Variants in EPS8L2 observed in about 807,000 individuals in gnomAD.
EPS8L2 encodes the protein EPS8 signaling adaptor L2.
Under a neutral mutation model 99.4 loss-of-function variants are expected in EPS8L2, and 81 were observed. That is an observed-to-expected ratio of 0.82 (90% confidence interval 0.68 to 0.98). The LOEUF (loss-of-function observed/expected upper bound fraction) is 0.98. EPS8L2 is among the 50% of genes least tolerant of loss of function. The pLI, the probability that EPS8L2 is intolerant of heterozygous loss-of-function variation, is 0.00. For synonymous variants in EPS8L2, 509 were observed against 407.3 expected, an observed-to-expected ratio of 1.25 and a Z score of -3.01; for missense variants, 1,155 against 968.8, an observed-to-expected ratio of 1.19 and a Z score of -2.55.
At chr11:720,978 G>GGGGAGGGGAGGAGC (rs1862148452) in intron 7 of EPS8L2, 69 bp downstream of exon 7, 4 of 1,102,000 alleles carry the variant, frequency 3.6e-6, no homozygotes, top group South Asian at 1.4e-5. Context: ...GAGGGGAGGA[G>GGGGAGGGGAGGAGC]CCGGCAGGGG....
At chr11:717,898 A>G (rs2133517515) in intron 4 of EPS8L2, among the ~76,000 whole-genome samples, 1 of 151,956 alleles carries the variant, frequency 6.6e-6, no homozygotes, top group East Asian at 1.9e-4. Flanking sequence ...AGTCCCAGCT[A>G]CTCGGGAGGC....
intron 4 of EPS8L2, among the ~76,000 whole-genome samples, chr11:712,839 G>C (rs374311149): frequency 6.6e-6 from 1 of 152,202 alleles, no homozygotes; most frequent in Middle Eastern, 3.2e-3. Context: ...TGGTGACTTC[G>C]GCCAGCTCAG....
chr11:722,121 A>AGCGCC lies in EPS8L2; in HGVS notation c.1019_1023dup (p.Glu342ProfsTer14). The AGCGCC allele has an allele frequency of 1.2e-6, 2 of 1,612,906 alleles. No individual in the cohort carries two copies. The highest frequency in any genetic ancestry group is 1.7e-6 in the Non-Finnish European group (2 of 1,179,878). Reference sequence around the variant, plus strand: ...GCTGCAGAAGCACATCCAGAACCCCAGCGCCGCGGAGCTCGTGCACTTCCT... The same window carrying AGCGCC: ...GCTGCAGAAGCACATCCAGAACCCCAGCGCCGCGCCGCGGAGCTCGTGCACTTCCT... On this transcript the variant is annotated frameshift_variant, in exon 12 of 21. Transcript: ENST00000318562. LOFTEE classifies it high-confidence loss of function.
At chr11:712,056 C>A (rs1489437088) in intron 4 of EPS8L2, among the ~76,000 whole-genome samples, 1 of 150,308 alleles carries the variant, frequency 6.7e-6, no homozygotes, top group African/African-American at 2.5e-5. Flanking sequence ...GAGGCCGAGG[C>A]GGGTGGATCA....
chr11:710,620 T>C (rs1247169810), intron 4 of EPS8L2, 134 bp downstream of exon 4: 8 of 897,218 alleles, frequency 8.9e-6, no homozygotes, highest in Non-Finnish European at 1.4e-5. Flanking sequence ...GCCCTGCTAC[T>C]GGGGAGGCTG....
chr11:718,556 T>C (rs1313626447), intron 4 of EPS8L2, among the ~76,000 whole-genome samples: 3 of 151,378 alleles, frequency 2.0e-5, no homozygotes, highest in Non-Finnish European at 4.4e-5. Flanking sequence ...ACGAACATGG[T>C]TCACTGCAAC....
intron 4 of EPS8L2, among the ~76,000 whole-genome samples, chr11:719,793 CAGG>C (rs1036109739): frequency 1.1e-4 from 16 of 152,254 alleles, no homozygotes; most frequent in Admixed American, 1.0e-3. Context: ...GAGCCTGCAC[CAGG>C]AGGTGGGCGG....
In EPS8L2 at chr11:724,752, A is replaced by C; in HGVS notation, c.1483A>C (p.Lys495Gln). 6.2e-7 allele frequency: 1 copy of C among 1,613,542 alleles called. No individual in the cohort carries two copies. Among genetic ancestry groups the C allele is most frequent in the Non-Finnish European group, 8.5e-7 (1 of 1,179,938 alleles). ...CTACCAGCCAACACCAGCCATGGCC[A>C]AGTACGTCAAGATCCTGTATGACTT... Reference protein sequence around the residue: ...RGYQPTPAMAKYVKILYDFTA... With the variant: ...RGYQPTPAMAQYVKILYDFTA... Residue 495 changes from lysine to glutamine, a missense_variant, in exon 16 of 21, where the codon AAG (lysine) becomes CAG (glutamine). Coordinates refer to ENST00000318562, the MANE Select transcript of EPS8L2 (RefSeq NM_022772.4). The surrounding 1 kb of genome is among the most constrained non-coding windows in gnomAD (Gnocchi z 5.5).
chr11:718,480 A>T (rs1862074461), intron 4 of EPS8L2, among the ~76,000 whole-genome samples: 3 of 149,026 alleles, frequency 2.0e-5, no homozygotes, highest in East Asian at 1.9e-4. Flanking sequence ...ATGCTTTTTT[A>T]ATTTTTTTTT....
At chr11:714,964 C>T (rs561573767) in intron 4 of EPS8L2, among the ~76,000 whole-genome samples, 33 of 152,158 alleles carry the variant, frequency 2.2e-4, no homozygotes, top group African/African-American at 5.5e-4. Context: ...GTTTGTGGGC[C>T]GGGCGCGGTG....
chr11:709,768 G>T, intron 3 of EPS8L2, 160 bp downstream of exon 3: 1 of 743,422 alleles, frequency 1.3e-6, no homozygotes, highest in South Asian at 1.7e-5. Context: ...CCTTCCGAAA[G>T]CTCCTGGCCA....
intron 4 of EPS8L2, among the ~76,000 whole-genome samples, chr11:718,745 T>C (rs1463069513): frequency 1.3e-5 from 2 of 151,512 alleles, no homozygotes; most frequent in African/African-American, 4.9e-5. Context: ...CTTGATTCAC[T>C]GCAAGCTCCG....
At position 724,876 on chromosome 11, in the gene EPS8L2, C is replaced by A; in HGVS notation, c.1560+47C>A. 3 of 1,422,622 alleles carry A rather than the reference C, an allele frequency of 2.1e-6. No homozygotes were observed. The highest frequency in any genetic ancestry group is 1.2e-5 in the South Asian group (1 of 86,626). 88.1% of individuals were successfully genotyped at this position (1,422,622 alleles called of 1,614,324 possible). On this transcript the variant is annotated intron_variant, in intron 16 of 20. Transcript: ENST00000318562. The surrounding 1 kb of genome is among the most constrained non-coding windows in gnomAD (Gnocchi z 5.5). ...TCCAAGAGGGGGAAACAGGGCAGGG[C>A]TTCAAGGGAGGGGCTACCAGGGGAG...
At position 722,421 on chromosome 11, in the gene EPS8L2, C is replaced by T; in HGVS notation, c.1080C>T (p.Gly360=). 1.2e-6 allele frequency: 2 copies of T among 1,613,208 alleles called. No homozygotes were observed. Among genetic ancestry groups the T allele is most frequent in the Non-Finnish European group, 1.7e-6 (2 of 1,179,920 alleles). The part of the protein sequence containing the change: ...PLDLIVNTCS[G]PDIARSVSCP... ...CCCAGATCGTCAACACCTGCAGTGG[C>T]CCAGACATCGCACGCTCCGTCTCCT... The change falls in exon 13 of 21, where the codon GGC becomes GGT. Residue 360 remains glycine, a synonymous_variant. Coordinates refer to ENST00000318562, the MANE Select transcript of EPS8L2 (RefSeq NM_022772.4).
chr11:707,830 G>A (rs926723913), intron 1 of EPS8L2, among the ~76,000 whole-genome samples: 8 of 152,144 alleles, frequency 5.3e-5, no homozygotes, highest in Non-Finnish European at 1.0e-4. Flanking sequence ...GCAAGGGTGC[G>A]TTGGTGTCTC....
chr11:721,649 C>T lies in EPS8L2; in HGVS notation c.853C>T (p.Gln285Ter), dbSNP rs202056992. 79 of 1,584,608 alleles carry T rather than the reference C, an allele frequency of 5.0e-5. No homozygotes were observed. The highest frequency in any genetic ancestry group is 4.8e-5 in the Non-Finnish European group (56 of 1,168,516). The change falls in exon 10 of 21, where the codon CAG (glutamine) becomes TAG (stop). Residue 285 changes from glutamine to a stop codon, truncating the protein, a stop_gained. Transcript: ENST00000318562. LOFTEE classifies it high-confidence loss of function. ...AGCCGAGGCTTTCAAGCAGCTGAAC[C>T]AGCGGAAAAAGGGGAAGAAGAAGGG... ...KAAEAFKQLN[Q>*]RKKGKKKGKK...
intron 10 of EPS8L2, 31 bp downstream of exon 10, chr11:721,722 GCAGGGGACGGGGCCA>G (rs770382635): frequency 7.8e-7 from 1 of 1,286,686 alleles, no homozygotes; most frequent in Non-Finnish European, 1.1e-6. Context: ...GCCGGCAGGT[GCAGGGGACGGGGCCA>G]GCAGGTGCAG....
intron 4 of EPS8L2, among the ~76,000 whole-genome samples, chr11:711,089 G>A (rs577094961): frequency 2.8e-4 from 43 of 152,282 alleles, no homozygotes; most frequent in Non-Finnish European, 5.7e-4. Context: ...GCCCTTGATG[G>A]GGGATTCAGG....
At chr11:709,483 C>T in intron 2 of EPS8L2, 32 bp downstream of exon 2, 1 of 1,605,022 alleles carries the variant, frequency 6.2e-7, no homozygotes, top group East Asian at 2.2e-5. Flanking sequence ...GAATACCCCA[C>T]CCTCACCCTC....
Sources: gnomAD v4.1 joint callset for allele counts (sites outside exome capture counted in the v4.1 genomes callset) on GRCh38, gnomAD v4.1.1 for gene constraint, Gnocchi (gnomAD v3.1) non-coding constraint, MANE v1.5 for transcripts, NCBI Gene and HGNC (gene_info 2026-07-23, HGNC 2026-07-21) for gene names.